STARD8: variants seen among roughly 807,000 people sequenced by gnomAD.
The protein encoded by STARD8 is StAR related lipid transfer domain containing 8, also known as stAR-related lipid transfer protein 8.
Under a neutral mutation model 69.4 loss-of-function variants are expected in STARD8, and 25 were observed. The ratio of observed to expected loss-of-function variants is 0.36; its 90% CI spans 0.26 to 0.50. The LOEUF is 0.50. STARD8 is among the 20% of genes least tolerant of loss of function. The probability of loss-of-function intolerance (pLI) is 0.96; values close to 1 mark genes in which losing one functional copy is unlikely to be tolerated. For synonymous variants in STARD8, 389 were observed against 374.6 expected (o/e 1.04, Z -0.45); for missense variants, 921 against 932.5 (o/e 0.99, Z 0.16).
In STARD8 at chrX:68,719,362, A is replaced by G. The variant is rs1375813298; in HGVS notation, c.1853A>G (p.Glu618Gly). The change falls in exon 7 of 15, where the codon GAG (glutamate) becomes GGG (glycine). Residue 618 changes from glutamate to glycine, a missense_variant. Coordinates refer to ENST00000374599, the MANE Select transcript of STARD8 (RefSeq NM_001142503.3). ...GSLLRLTAFM[E>G]KYTVPHKQGW... ...CTGCTGCGGCTTACCGCGTTCATGG[A>G]GAAGTACACTGTGCCCCACAAGCAG... 8.3e-7 allele frequency: 1 copy of G among 1,198,023 alleles called. No homozygotes were observed. The highest frequency in any genetic ancestry group is 1.7e-5 in the African/African-American group (1 of 57,599).
rs2080103772 is a variant in STARD8 at position 68,717,604 on chromosome X, G to A, written c.690G>A (p.Lys230=). 1 of 1,210,320 alleles carries A rather than the reference G, an allele frequency of 8.3e-7. No homozygotes were observed. The highest frequency in any genetic ancestry group is 1.7e-5 in the African/African-American group (1 of 57,302). Residue 230 remains lysine (K), a synonymous_variant, in exon 6 of 15, where the codon AAG becomes AAA. Coordinates refer to ENST00000374599, the MANE Select transcript of STARD8 (RefSeq NM_001142503.3). ...EKSGSQQAEP[K]HSPATSEKVS... ...GTGGCAGCCAGCAAGCAGAGCCCAA[G>A]CATAGTCCAGCCACCTCAGAGAAGG...
chrX:68,694,769 C>T (rs1273143889), intron 2 of STARD8, among the ~76,000 whole-genome samples: 1 of 111,327 alleles, frequency 9.0e-6, no homozygotes, highest in Admixed American at 9.5e-5. Context: ...GCTATGCACA[C>T]GGAGAGCTTT....
intron 2 of STARD8, among the ~76,000 whole-genome samples, chrX:68,687,493 G>A (rs1302951160): frequency 9.0e-6 from 1 of 111,582 alleles, no homozygotes; most frequent in Non-Finnish European, 1.9e-5. Context: ...GCTCTAATTC[G>A]CTCTTGATTC....
rs1338006718 is a variant in STARD8, at chrX:68,720,913, G to A, written c.2050-11G>A. Reference sequence around the variant, plus strand: ...GTTTTCCTCACTCCCTCCCTCCCCTGCATGGAGTAGGTAGGCATCTTCCGC... The same window carrying A: ...GTTTTCCTCACTCCCTCCCTCCCCTACATGGAGTAGGTAGGCATCTTCCGC... On this transcript the variant is annotated splice_polypyrimidine_tract_variant and intron_variant, in intron 8 of 14. Transcript: ENST00000374599. The A allele has an allele frequency of 2.5e-6, 3 of 1,204,747 alleles. No individual in the cohort carries two copies. In the African/African-American group the frequency reaches 5.3e-5, roughly 21 times the overall value.
At chrX:68,648,758 G>A (rs997533194) in intron 1 of STARD8, among the ~76,000 whole-genome samples, 1 of 111,882 alleles carries the variant, frequency 8.9e-6, no homozygotes, top group Non-Finnish European at 1.9e-5. Flanking sequence ...CCTGGCCATG[G>A]GGGATACATG....
chrX:68,712,766 G>A (rs969524138), intron 2 of STARD8, 148 bp from the exon 3 acceptor site: 3 of 522,932 alleles, frequency 5.7e-6, no homozygotes. Context: ...AAATGTGCTA[G>A]GACCTCTGGC....
rs757028566 is a variant in STARD8, at chrX:68,717,939, G to A, written c.1025G>A (p.Arg342Gln). The A allele has an allele frequency of 1.2e-5, 14 of 1,207,709 alleles. No homozygotes were observed. The highest frequency in any genetic ancestry group is 3.0e-5 in the East Asian group (1 of 33,661). ...PGRRWGCEGRRGSCGSTGSHA... is the reference protein window; with the variant it reads ...PGRRWGCEGRQGSCGSTGSHA... Reference sequence around the variant, plus strand: ...AGGCGGTGGGGCTGTGAGGGGCGCCGGGGCTCCTGTGGCTCAACGGGCAGC... The same window carrying A: ...AGGCGGTGGGGCTGTGAGGGGCGCCAGGGCTCCTGTGGCTCAACGGGCAGC... Residue 342 changes from arginine to glutamine, a missense_variant, in exon 6 of 15, where the codon CGG becomes CAG. Arg to Gln is a conservative substitution (Grantham distance 43). Coordinates refer to ENST00000374599, the MANE Select transcript of STARD8 (RefSeq NM_001142503.3).
In STARD8 at chrX:68,723,968, G is replaced by T. The variant is rs747505005; in HGVS notation, c.3041G>T (p.Arg1014Leu). ...VLRMWRSDLPRGGCLLVSQSL... is the reference protein window; with the variant it reads ...VLRMWRSDLPLGGCLLVSQSL... Reference sequence around the variant, plus strand: ...AGGATGTGGCGCTCTGACCTGCCTCGTGGGGGTTGCCTGCTTGTCTCCCAG... The same window carrying T: ...AGGATGTGGCGCTCTGACCTGCCTCTTGGGGGTTGCCTGCTTGTCTCCCAG... The change falls in exon 14 of 15, where the codon CGT (arginine) becomes CTT (leucine). Residue 1014 changes from arginine (R) to leucine (L), a missense_variant. Coordinates refer to ENST00000374599, the MANE Select transcript of STARD8 (RefSeq NM_001142503.3). The T allele has an allele frequency of 8.3e-7, 1 of 1,212,018 alleles. No individual in the cohort carries two copies. The highest frequency in any genetic ancestry group is 1.1e-6 in the Non-Finnish European group (1 of 895,558).
intron 2 of STARD8, among the ~76,000 whole-genome samples, chrX:68,672,687 A>G (rs2079736164): frequency 9.2e-6 from 1 of 108,597 alleles, no homozygotes; most frequent in South Asian, 3.9e-4. Flanking sequence ...TCTTCTTTCC[A>G]TAAAACTAAA....
intron 12 of STARD8, 59 bp downstream of exon 12, chrX:68,722,705 G>A: frequency 2.7e-6 from 3 of 1,125,291 alleles, no homozygotes; most frequent in East Asian, 6.2e-5. Context: ...GCAGGCAAGG[G>A]TAGTCAGAGA....
At position 68,647,965 on chromosome X, in the gene STARD8, AG is replaced by A. The variant is rs760539325; in HGVS notation, c.45+44del. Reference sequence around the variant, plus strand: ...CCAGCCCCAGCCCATCCCGCTGCTCAGGGGGGAAGGAGGCAGATGTGGACCA... The same window carrying A: ...CCAGCCCCAGCCCATCCCGCTGCTCAGGGGGAAGGAGGCAGATGTGGACCA... On this transcript the variant is annotated intron_variant, in intron 1 of 14. Coordinates refer to ENST00000374599, the MANE Select transcript of STARD8 (RefSeq NM_001142503.3). The A allele has an allele frequency of 5.1e-6, 6 of 1,180,580 alleles. No homozygotes were observed. In the South Asian group the frequency reaches 5.6e-5, roughly 11 times the overall value.
chrX:68,669,099 A>G (rs1455163317), intron 2 of STARD8, among the ~76,000 whole-genome samples: 1 of 111,573 alleles, frequency 9.0e-6, no homozygotes. Flanking sequence ...TCAGGCTCCC[A>G]GCATCACTTC....
intron 2 of STARD8, among the ~76,000 whole-genome samples, chrX:68,688,782 T>C (rs1156330258): frequency 3.8e-5 from 4 of 104,456 alleles, no homozygotes; most frequent in Non-Finnish European, 7.9e-5. Flanking sequence ...CCTTCCTTTT[T>C]CTCACTTTCC....
intron 2 of STARD8, among the ~76,000 whole-genome samples, chrX:68,681,326 C>T (rs1374243932): frequency 9.0e-6 from 1 of 111,257 alleles, no homozygotes; most frequent in Non-Finnish European, 1.9e-5. Context: ...TTTCCACTTA[C>T]GAAGTGCTCT....
At chrX:68,668,467 C>T (rs2079707755) in intron 2 of STARD8, among the ~76,000 whole-genome samples, 1 of 108,880 alleles carries the variant, frequency 9.2e-6, no homozygotes, top group Non-Finnish European at 1.9e-5. Context: ...GCTGGGACTA[C>T]AGGGGTGCAT....
chrX:68,661,878 TTTCCTTCCTTCCTTCC>T (rs748806413), intron 1 of STARD8, among the ~76,000 whole-genome samples: 137 of 64,165 alleles, frequency 2.1e-3, no homozygotes, highest in Admixed American at 6.1e-3. Context: ...CTTTCTTTCT[TTTCCTTCCTTCCTTCC>T]TTCCTTCCTT....
At position 68,724,560 on chromosome X, in the gene STARD8, T is replaced by C; in HGVS notation, c.*138T>C. 3 of 475,036 alleles carry C rather than the reference T, an allele frequency of 6.3e-6. No homozygotes were observed. The highest frequency in any genetic ancestry group is 1.1e-5 in the Non-Finnish European group (3 of 281,324). 39.1% of individuals were successfully genotyped at this position (475,036 alleles called of 1,213,427 possible). A position where few individuals can be genotyped will look rare whatever the true frequency, so the allele number is the denominator to read the frequency against. On this transcript the variant is annotated 3_prime_UTR_variant, in exon 15 of 15. Coordinates refer to ENST00000374599, the MANE Select transcript of STARD8 (RefSeq NM_001142503.3). ...CCCAGGTGGCTCCAGCTGCCTGTCC[T>C]GTCCCCTTTCCTAAAGCTCCTCTGC...
rs1041950455 is a variant in STARD8 at position 68,718,149 on chromosome X, A to G, written c.1235A>G (p.Asp412Gly). ...VELWSRAMYP[D>G]LGPGDEEEEE... ...CTGTGGTCTCGGGCCATGTACCCAG[A>G]CCTGGGGCCTGGAGATGAGGAAGAG... The change falls in exon 6 of 15, where the codon GAC becomes GGC. Residue 412 changes from aspartate (D) to glycine (G), a missense_variant. Asp to Gly is a moderately conservative substitution (Grantham distance 94). Coordinates refer to ENST00000374599, the MANE Select transcript of STARD8 (RefSeq NM_001142503.3). 2 of 1,211,512 alleles carry G rather than the reference A, an allele frequency of 1.7e-6. No homozygotes were observed. The highest frequency in any genetic ancestry group is 3.5e-5 in the African/African-American group (2 of 57,742).
intron 2 of STARD8, chrX:68,693,663 AC>A (rs1274947388): frequency 3.7e-5 from 28 of 753,447 alleles, no homozygotes; most frequent in Non-Finnish European, 2.7e-5. Context: ...CGGGTTGACA[AC>A]GGCTAAGCAG....
Sources: gnomAD v4.1 joint callset for allele counts (sites outside exome capture counted in the v4.1 genomes callset) on GRCh38, gnomAD v4.1.1 for gene constraint, MANE v1.5 for transcripts, NCBI Gene and HGNC (gene_info 2026-07-23, HGNC 2026-07-21) for gene names.